ZKSCAN1: variants seen among roughly 807,000 people sequenced by gnomAD.
The protein encoded by ZKSCAN1 is zinc finger protein with KRAB and SCAN domains 1.
A neutral mutation model predicts 51.6 loss-of-function variants in ZKSCAN1; 14 were observed. That is an observed-to-expected ratio of 0.27 (90% confidence interval 0.18 to 0.42). The LOEUF is 0.42. Ranked by LOEUF, ZKSCAN1 falls within the 10% of genes least tolerant of loss-of-function variation. ZKSCAN1 has a pLI of 1.00. For synonymous variants in ZKSCAN1, 263 were observed against 261.5 expected (o/e 1.01, Z -0.06); for missense variants, 531 against 710.0 (o/e 0.75, Z 2.86).
At position 100,034,490 on chromosome 7, in the gene ZKSCAN1, G is replaced by A. The variant is rs1791263268; in HGVS notation, c.*293G>A. Reference sequence around the variant, plus strand: ...AAATGTCAGTCTTTTCAGTAATGAGGATACCTTTAAGGCACTCTTGGACTC... The same window carrying A: ...AAATGTCAGTCTTTTCAGTAATGAGAATACCTTTAAGGCACTCTTGGACTC... On this transcript the variant is annotated 3_prime_UTR_variant, in exon 6 of 6. Coordinates refer to ENST00000324306, the MANE Select transcript of ZKSCAN1 (RefSeq NM_003439.4). 1 of 1,120,896 alleles carries A rather than the reference G, an allele frequency of 8.9e-7. No individual in the cohort carries two copies. Among genetic ancestry groups the A allele is most frequent in the Admixed American group, 4.4e-5 (1 of 22,728 alleles). 69.4% of individuals were successfully genotyped at this position (1,120,896 alleles called of 1,614,324 possible). A position where few individuals can be genotyped will look rare whatever the true frequency, so the allele number is the denominator to read the frequency against.
At chr7:100,025,318 C>CAAAAA (rs35796352) in intron 3 of ZKSCAN1, among the ~76,000 whole-genome samples, 20 of 103,860 alleles carry the variant, frequency 1.9e-4, no homozygotes, top group East Asian at 7.4e-4. Flanking sequence ...AGTCTGTTTC[C>CAAAAA]AAAAAAAAAA....
chr7:100,045,033 G>A, downstream of ZKSCAN1: 1 of 950,188 alleles, frequency 1.1e-6, no homozygotes, highest in Non-Finnish European at 1.3e-6. Context: ...GAAGGAAGGT[G>A]CCAGAGACAA....
chr7:100,041,148 A>C lies in ZKSCAN1; in HGVS notation c.*6951A>C. 3.9e-6 allele frequency: 3 copies of C among 759,872 alleles called. No individual in the cohort carries two copies. Among genetic ancestry groups the C allele is most frequent in the Non-Finnish European group, 4.8e-6 (3 of 624,074 alleles). The allele number at this position is 759,872 out of a possible 1,614,324, so 47.1% of individuals were successfully genotyped here. On this transcript the variant is annotated 3_prime_UTR_variant, in exon 6 of 6. Coordinates refer to ENST00000324306, the MANE Select transcript of ZKSCAN1 (RefSeq NM_003439.4). ...TTTATTTGTAGACTGGATTAAAAACAACCTGTCCTGTTTTGTCAGTTCCCA... is the reference window on the plus strand; with the variant it reads ...TTTATTTGTAGACTGGATTAAAAACCACCTGTCCTGTTTTGTCAGTTCCCA...
downstream of ZKSCAN1, among the ~76,000 whole-genome samples, chr7:100,043,965 C>T (rs1463545710): frequency 1.3e-5 from 2 of 151,144 alleles, no homozygotes; most frequent in South Asian, 2.1e-4. Context: ...TTTTTAGAGA[C>T]GGGGTTTCGC....
In ZKSCAN1 at chr7:100,035,857, G is replaced by A; in HGVS notation, c.*1660G>A. On this transcript the variant is annotated 3_prime_UTR_variant, in exon 6 of 6. Transcript: ENST00000324306. ...GACTGTTTCACACACAGGAGATTGTGAGCTGTGTAAGTAGTCATCGCCACT... is the reference window on the plus strand; with the variant it reads ...GACTGTTTCACACACAGGAGATTGTAAGCTGTGTAAGTAGTCATCGCCACT... 2 of 985,378 alleles carry A rather than the reference G, an allele frequency of 2.0e-6. No individual in the cohort carries two copies. Among genetic ancestry groups the A allele is most frequent in the Non-Finnish European group, 2.4e-6 (2 of 829,934 alleles). The allele number at this position is 985,378 out of a possible 1,614,324, so 61.0% of individuals were successfully genotyped here.
Position 100,033,201 on chromosome 7 carries a change from G to A in ZKSCAN1, c.800-104G>A, listed in dbSNP as rs1791187692. 2.1e-6 allele frequency: 3 copies of A among 1,450,938 alleles called. No individual in the cohort carries two copies. In the East Asian group the frequency reaches 7.5e-5, roughly 36 times the overall value. 89.9% of individuals were successfully genotyped at this position (1,450,938 alleles called of 1,614,324 possible). A position where few individuals can be genotyped will look rare whatever the true frequency, so the allele number is the denominator to read the frequency against. ...GAAATAAAAATAAAAATATTGCAAA[G>A]TCATTTTGCAGCCGTGTAGAAGCTT... On this transcript the variant is annotated intron_variant, in intron 5 of 5. Transcript: ENST00000324306. This position sits in a 1 kb window ranked among gnomAD's most constrained non-coding sequence, Gnocchi z 4.1.
At chr7:100,022,023 A>G (rs1790611761) in intron 1 of ZKSCAN1, among the ~76,000 whole-genome samples, 1 of 152,154 alleles carries the variant, frequency 6.6e-6, no homozygotes, top group Admixed American at 6.6e-5. Flanking sequence ...AATTATAGGC[A>G]TGAGCTACCA....
In ZKSCAN1 at chr7:100,038,576, G is replaced by C. The variant is rs747333437; in HGVS notation, c.*4379G>C. The C allele has an allele frequency of 9.1e-5, 90 of 985,298 alleles. No individual in the cohort carries two copies. The highest frequency in any genetic ancestry group is 1.0e-4 in the Non-Finnish European group (86 of 829,942). The allele number at this position is 985,298 out of a possible 1,614,324, so 61.0% of individuals were successfully genotyped here. A position where few individuals can be genotyped will look rare whatever the true frequency, so the allele number is the denominator to read the frequency against. Reference sequence around the variant, plus strand: ...GGGATGGATTCTCTTGTCAGTAGACGGTCTTCTCCATGAAGCGAGAGTAGG... The same window carrying C: ...GGGATGGATTCTCTTGTCAGTAGACCGTCTTCTCCATGAAGCGAGAGTAGG... On this transcript the variant is annotated 3_prime_UTR_variant, in exon 6 of 6. Coordinates refer to ENST00000324306, the MANE Select transcript of ZKSCAN1 (RefSeq NM_003439.4).
chr7:100,023,571 G>A lies in ZKSCAN1; in HGVS notation c.65G>A (p.Gly22Asp). Residue 22 changes from glycine to aspartate, a missense_variant, in exon 2 of 6, where the codon GGT becomes GAT. Around this residue, in one of 2 missense-constraint regions of ZKSCAN1, gnomAD observed 403 missense variants for 490.5 expected, o/e 0.82. Transcript: ENST00000324306. ...LSPQAAQEKDGIVIVKVEEED... is the reference protein window; with the variant it reads ...LSPQAAQEKDDIVIVKVEEED... ...CCACAGGCTGCACAGGAGAAGGATG[G>A]TATCGTAATAGTGAAGGTGGAAGAG... is the stretch of plus-strand genomic sequence containing the variant. 5.6e-6 allele frequency: 9 copies of A among 1,613,734 alleles called. No homozygotes were observed. Among genetic ancestry groups the A allele is most frequent in the Non-Finnish European group, 7.6e-6 (9 of 1,180,038 alleles).
intron 3 of ZKSCAN1, among the ~76,000 whole-genome samples, chr7:100,027,165 T>C (rs1049075095): frequency 3.9e-5 from 6 of 152,000 alleles, no homozygotes; most frequent in Non-Finnish European, 7.4e-5. Flanking sequence ...GTTGTGGTGG[T>C]GTACACCTGT....
At chr7:100,030,396 C>G in intron 5 of ZKSCAN1, 21 bp downstream of exon 5, 2 of 1,607,142 alleles carry the variant, frequency 1.2e-6, no homozygotes, top group Non-Finnish European at 1.7e-6. Flanking sequence ...TGCAGGCTTA[C>G]TGTCTGATAA....
At chr7:100,021,500 A>G (rs909424772) in intron 1 of ZKSCAN1, among the ~76,000 whole-genome samples, 3 of 152,184 alleles carry the variant, frequency 2.0e-5, no homozygotes, top group Admixed American at 6.5e-5. Flanking sequence ...GTTAAATTAC[A>G]TAACAATGGA....
chr7:100,035,965 C>T lies in ZKSCAN1; in HGVS notation c.*1768C>T. Reference sequence around the variant, plus strand: ...GACTGAGAACAAACCTCAAGACTATCAGTGTGACCTCCCCATAACAAGAGA... The same window carrying T: ...GACTGAGAACAAACCTCAAGACTATTAGTGTGACCTCCCCATAACAAGAGA... On this transcript the variant is annotated 3_prime_UTR_variant, in exon 6 of 6. Transcript: ENST00000324306. 1 of 985,468 alleles carries T rather than the reference C, an allele frequency of 1.0e-6. No homozygotes were observed. Among genetic ancestry groups the T allele is most frequent in the Non-Finnish European group, 1.2e-6 (1 of 829,952 alleles). 61.0% of individuals were successfully genotyped at this position (985,468 alleles called of 1,614,324 possible).
chr7:100,045,344 C>G (rs1379227337), downstream of ZKSCAN1, among the ~76,000 whole-genome samples: 5 of 150,298 alleles, frequency 3.3e-5, no homozygotes, highest in Non-Finnish European at 7.4e-5. Context: ...TCAGGAGATC[C>G]AGACCATCCT....
At chr7:100,028,227 C>T (rs1790928718) in intron 3 of ZKSCAN1, among the ~76,000 whole-genome samples, 1 of 152,092 alleles carries the variant, frequency 6.6e-6, no homozygotes, top group Non-Finnish European at 1.5e-5. Context: ...GTGGCAGGCA[C>T]CTGTAGTCCC....
downstream of ZKSCAN1, among the ~76,000 whole-genome samples, chr7:100,045,122 A>G (rs4424195): frequency 0.28 from 42,628 of 152,058 alleles, 6,125 homozygotes; most frequent in East Asian, 0.41. Context: ...TGTCAAGCCA[A>G]TAATCTCCCA....
In ZKSCAN1 at chr7:100,041,491, C is replaced by T; in HGVS notation, c.*7294C>T. ...CTCGAATGAGGGCTAAAGTTTTAAT[C>T]ATAAGAGAAAAGGCAGCATAATGAA... On this transcript the variant is annotated 3_prime_UTR_variant, in exon 6 of 6. Transcript: ENST00000324306. 1 of 985,328 alleles carries T rather than the reference C, an allele frequency of 1.0e-6. No individual in the cohort carries two copies. Among genetic ancestry groups the T allele is most frequent in the Non-Finnish European group, 1.2e-6 (1 of 829,924 alleles). 61.0% of individuals were successfully genotyped at this position (985,328 alleles called of 1,614,324 possible). A position where few individuals can be genotyped will look rare whatever the true frequency, so the allele number is the denominator to read the frequency against.
intron 3 of ZKSCAN1, among the ~76,000 whole-genome samples, chr7:100,028,751 C>G (rs535937896): frequency 6.0e-5 from 9 of 151,014 alleles, no homozygotes; most frequent in Non-Finnish European, 1.3e-4. Context: ...TGTGTGTCAG[C>G]CCCAACTTTT....
chr7:100,044,965 G>A (rs896119213), downstream of ZKSCAN1: 7 of 985,262 alleles, frequency 7.1e-6, no homozygotes, highest in South Asian at 4.7e-5. Flanking sequence ...GAGAACGAGC[G>A]AGGAAGATCC....
Sources: allele counts gnomAD v4.1 joint callset (sites outside exome capture counted in the v4.1 genomes callset), GRCh38; gene constraint gnomAD v4.1.1; regional missense constraint gnomAD v4.1.1; non-coding constraint Gnocchi (gnomAD v3.1); transcripts MANE v1.5; gene names NCBI Gene and HGNC (gene_info 2026-07-23, HGNC 2026-07-21).